Variants in ZDHHC3 observed in about 807,000 individuals in gnomAD.
ZDHHC3 encodes the protein zDHHC palmitoyltransferase 3.
Under a neutral mutation model 30.6 loss-of-function variants are expected in ZDHHC3, and 9 were observed. The ratio of observed to expected loss-of-function variants is 0.29; its 90% CI spans 0.18 to 0.51. The LOEUF is 0.51. Among genes scored for constraint, ZDHHC3 ranks in the 20% least tolerant of loss-of-function variants. The probability of loss-of-function intolerance (pLI) is 0.97; values close to 1 mark genes in which losing one functional copy is unlikely to be tolerated. For synonymous variants in ZDHHC3, 136 were observed against 140.2 expected (o/e 0.97, Z 0.21); for missense variants, 246 against 384.2 (o/e 0.64, Z 3.01).
At chr3:44,958,245 C>T (rs1257456001) in intron 2 of ZDHHC3, among the ~76,000 whole-genome samples, 1 of 152,110 alleles carries the variant, frequency 6.6e-6, no homozygotes, top group East Asian at 1.9e-4. Context: ...ACCACCTGAA[C>T]CGGCAGGAAA....
At chr3:44,953,254 A>G (rs1289344513) in intron 2 of ZDHHC3, among the ~76,000 whole-genome samples, 2 of 152,248 alleles carry the variant, frequency 1.3e-5, no homozygotes, top group Admixed American at 1.3e-4. Flanking sequence ...CTATGTCACT[A>G]TCAGAAGACA....
intron 5 of ZDHHC3, among the ~76,000 whole-genome samples, chr3:44,930,817 C>G (rs4682760): frequency 0.97 from 147,034 of 152,262 alleles, 71,201 homozygotes; most frequent in Middle Eastern, 1. Flanking sequence ...AGCCTGATGG[C>G]CTGGCCGTGG....
chr3:44,951,282 T>C (rs1310756413), intron 2 of ZDHHC3, among the ~76,000 whole-genome samples: 2 of 152,186 alleles, frequency 1.3e-5, no homozygotes, highest in Non-Finnish European at 2.9e-5. Flanking sequence ...TCTGCTCTAG[T>C]CATGGCAGAA....
intron 3 of ZDHHC3, among the ~76,000 whole-genome samples, chr3:44,934,676 G>A (rs1701794493): frequency 6.6e-6 from 1 of 151,082 alleles, no homozygotes; most frequent in Non-Finnish European, 1.5e-5. Context: ...CAGATCATCT[G>A]AGGTCAGGAG....
At chr3:44,966,486 T>C (rs1704963308) in intron 1 of ZDHHC3, among the ~76,000 whole-genome samples, 1 of 152,194 alleles carries the variant, frequency 6.6e-6, no homozygotes, top group South Asian at 2.1e-4. Flanking sequence ...GATATGTCTA[T>C]AACTCTCAGC....
At chr3:44,934,068 G>T in intron 3 of ZDHHC3, 84 bp from the exon 4 acceptor site, 1 of 1,304,968 alleles carries the variant, frequency 7.7e-7, no homozygotes, top group Non-Finnish European at 1.1e-6. Flanking sequence ...CATGGCTCCT[G>T]CTCCACTCCT....
intron 1 of ZDHHC3, among the ~76,000 whole-genome samples, chr3:44,964,012 A>G (rs1704713586): frequency 6.6e-6 from 1 of 152,192 alleles, no homozygotes; most frequent in African/African-American, 2.4e-5. Context: ...CCCAGCTCCC[A>G]ACCTAATAAC....
intron 4 of ZDHHC3, 102 bp downstream of exon 4, chr3:44,933,786 A>C (rs1040943256): frequency 9.5e-7 from 1 of 1,047,574 alleles, no homozygotes; most frequent in Non-Finnish European, 1.5e-6. Flanking sequence ...AGGGCCAGGC[A>C]GTATTCTGAG....
chr3:44,931,504 G>C (rs1401267059), intron 5 of ZDHHC3, among the ~76,000 whole-genome samples: 1 of 152,200 alleles, frequency 6.6e-6, no homozygotes, highest in Non-Finnish European at 1.5e-5. Context: ...CTGGGGGACA[G>C]CCCTCTGCCC....
At chr3:44,954,563 C>G (rs1293506814) in intron 2 of ZDHHC3, among the ~76,000 whole-genome samples, 2 of 152,170 alleles carry the variant, frequency 1.3e-5, no homozygotes, top group African/African-American at 4.8e-5. Context: ...TTTCTCAGAA[C>G]TTATCCCCAT....
At chr3:44,964,425 A>T (rs1386486071) in intron 1 of ZDHHC3, among the ~76,000 whole-genome samples, 1 of 152,192 alleles carries the variant, frequency 6.6e-6, no homozygotes, top group Non-Finnish European at 1.5e-5. Flanking sequence ...CAGGATGACC[A>T]GGGCTGTGTG....
rs1700973105 is a variant in ZDHHC3 at position 44,926,195 on chromosome 3, G to C, written c.*494C>G. The C allele has an allele frequency of 1.3e-5, 13 of 985,732 alleles. No homozygotes were observed. The South Asian group carries it at 5.6e-4, about 43-fold the overall frequency. 61.1% of individuals were successfully genotyped at this position (985,732 alleles called of 1,614,324 possible). A position where few individuals can be genotyped will look rare whatever the true frequency, so the allele number is the denominator to read the frequency against. ...GTCCCTTCTGATCCTGCCCTTCTCA[G>C]GCCTCAAGGGGTAAGCATCCATCTT... is the stretch of plus-strand genomic sequence containing the variant. On this transcript the variant is annotated 3_prime_UTR_variant, in exon 7 of 7. Transcript: ENST00000424952.
Position 44,924,525 on chromosome 3 carries a change from A to G in ZDHHC3, c.*2164T>C, listed in dbSNP as rs1310559640. ...ACTCTATTGGAAAGATAAGCATAGT[A>G]TGCACAGCTTTAAAGGAGGAGTTTC... On this transcript the variant is annotated 3_prime_UTR_variant, in exon 7 of 7. Coordinates refer to ENST00000424952, the MANE Select transcript of ZDHHC3 (RefSeq NM_001135179.2). The G allele has an allele frequency of 2.1e-5, 21 of 985,354 alleles. No individual in the cohort carries two copies. The highest frequency in any genetic ancestry group is 3.5e-5 in the African/African-American group (2 of 57,248). 61.0% of individuals were successfully genotyped at this position (985,354 alleles called of 1,614,324 possible). A position where few individuals can be genotyped will look rare whatever the true frequency, so the allele number is the denominator to read the frequency against.
chr3:44,959,740 C>G lies in ZDHHC3; in HGVS notation c.-24-280G>C, dbSNP rs983839948. Reference sequence around the variant, plus strand: ...TCAGCCAGAGCAGAAGCAGGTGACACAGCCTGCCAATTTGTTTTTTTCTTT... The same window carrying G: ...TCAGCCAGAGCAGAAGCAGGTGACAGAGCCTGCCAATTTGTTTTTTTCTTT... On this transcript the variant is annotated intron_variant, in intron 1 of 6. Transcript: ENST00000424952. This position sits in a 1 kb window ranked among gnomAD's most constrained non-coding sequence, Gnocchi z 4.3. 1.3e-5 allele frequency among the ~76,000 whole-genome samples: 2 copies of G among 152,156 alleles called. No homozygotes were observed. Among genetic ancestry groups the G allele is most frequent in the African/African-American group, 4.8e-5 (2 of 41,446 alleles).
At chr3:44,956,828 C>T (rs572136395) in intron 2 of ZDHHC3, among the ~76,000 whole-genome samples, 1 of 152,244 alleles carries the variant, frequency 6.6e-6, no homozygotes, top group South Asian at 2.1e-4. Context: ...TCAGATCACA[C>T]CCTGTCTCTC....
At chr3:44,974,160 ATC>A (rs1459494605) in intron 1 of ZDHHC3, among the ~76,000 whole-genome samples, 1 of 152,252 alleles carries the variant, frequency 6.6e-6, no homozygotes, top group Non-Finnish European at 1.5e-5. Context: ...TACTGTTTAC[ATC>A]TCTCTTACCT....
At chr3:44,927,337 C>A (rs1318942210) in intron 6 of ZDHHC3, among the ~76,000 whole-genome samples, 2 of 152,212 alleles carry the variant, frequency 1.3e-5, no homozygotes, top group Non-Finnish European at 1.5e-5. Context: ...CTACCATGAC[C>A]ACCTTGCAGA....
intron 2 of ZDHHC3, among the ~76,000 whole-genome samples, chr3:44,949,960 C>CAAGTAGCT (rs995394802): frequency 1.1e-4 from 16 of 152,292 alleles, no homozygotes; most frequent in Admixed American, 5.2e-4. Context: ...CTCAGCCGCC[C>CAAGTAGCT]AAGTAGCTGG....
chr3:44,921,205 A>G lies in ZDHHC3; in HGVS notation c.*5484T>C. 2 of 977,278 alleles carry G rather than the reference A, an allele frequency of 2.0e-6. No homozygotes were observed. The highest frequency in any genetic ancestry group is 4.9e-5 in the South Asian group (1 of 20,512). The allele number at this position is 977,278 out of a possible 1,614,324, so 60.5% of individuals were successfully genotyped here. Reference sequence around the variant, plus strand: ...CAAACTCACCAACACTCCAAAATGAATGTATTAGGACTAAGGCTCCCGAGG... The same window carrying G: ...CAAACTCACCAACACTCCAAAATGAGTGTATTAGGACTAAGGCTCCCGAGG... On this transcript the variant is annotated 3_prime_UTR_variant, in exon 7 of 7. Coordinates refer to ENST00000424952, the MANE Select transcript of ZDHHC3 (RefSeq NM_001135179.2).
Sources: allele counts gnomAD v4.1 joint callset (sites outside exome capture counted in the v4.1 genomes callset), GRCh38; gene constraint gnomAD v4.1.1; non-coding constraint Gnocchi (gnomAD v3.1); transcripts MANE v1.5; gene names NCBI Gene and HGNC (gene_info 2026-07-23, HGNC 2026-07-21).